Variants in PRAMEF1 observed in about 807,000 individuals in gnomAD.
PRAMEF1 encodes the protein PRAME family member 1.
In PRAMEF1, 21 loss-of-function variants were observed where a neutral mutation model predicts 38.2. The observed-to-expected ratio is 0.55, with a 90% confidence interval of 0.39 to 0.79. The LOEUF (loss-of-function observed/expected upper bound fraction) is 0.79, where lower values mean the gene tolerates loss of function less well. PRAMEF1 is among the 30% of genes least tolerant of loss of function. The probability of loss-of-function intolerance (pLI) is 0.00; values close to 1 mark genes in which losing one functional copy is unlikely to be tolerated. For missense variants in PRAMEF1, 497 were observed against 565.8 expected, an observed-to-expected ratio of 0.88 and a Z score of 1.23; for synonymous variants, 200 against 229.0, an observed-to-expected ratio of 0.87 and a Z score of 1.14.
In PRAMEF1 at chr1:12,794,367, C is replaced by T. The variant is rs144053501; in HGVS notation, c.740C>T (p.Ser247Leu). The change falls in exon 3 of 4, where the codon TCA becomes TTA. Residue 247 changes from serine to leucine, a missense_variant. Coordinates refer to ENST00000332296, the MANE Select transcript of PRAMEF1 (RefSeq NM_023013.4). ...LVFSRCHHYT[S>L]DNELEGRLVA... ...TTCTCCAGGTGCCATCATTACACGT[C>T]AGATAATGAACTCGAAGGACGGTTA... is the stretch of plus-strand genomic sequence containing the variant. 4.2e-5 allele frequency: 67 copies of T among 1,612,114 alleles called. No homozygotes were observed. The African/African-American group carries it at 8.0e-4, about 19-fold the overall frequency.
chr1:12,795,535 C>CTAAA lies in PRAMEF1; in HGVS notation c.965_968dup (p.Lys323AsnfsTer17), dbSNP rs1639382310. 6.2e-7 allele frequency: 1 copy of CTAAA among 1,612,532 alleles called. No homozygotes were observed. Among genetic ancestry groups the CTAAA allele is most frequent in the African/African-American group, 1.3e-5 (1 of 74,752 alleles). On this transcript the variant is annotated frameshift_variant, in exon 4 of 4. Coordinates refer to ENST00000332296, the MANE Select transcript of PRAMEF1 (RefSeq NM_023013.4). LOFTEE classifies it high-confidence loss of function. Reference sequence around the variant, plus strand: ...CTCCCAGTACCCAAGCCTCGGTTACCTAAAGCATCTGAATCTCAGCTACGT... The same window carrying CTAAA: ...CTCCCAGTACCCAAGCCTCGGTTACCTAAATAAAGCATCTGAATCTCAGCTACGT...
chr1:12,794,537 C>T, intron 3 of PRAMEF1, 44 bp downstream of exon 3: 1 of 1,603,600 alleles, frequency 6.2e-7, no homozygotes. Flanking sequence ...ACAGCATAGC[C>T]TTGTTCTGTA....
At chr1:12,792,275 G>C (rs541846752) in intron 1 of PRAMEF1, among the ~76,000 whole-genome samples, 5 of 151,400 alleles carry the variant, frequency 3.3e-5, no homozygotes, top group Admixed American at 6.6e-5. Flanking sequence ...GCCCACCTCA[G>C]ACTCCCAAAG....
Position 12,794,231 on chromosome 1 carries a change from ATATACCTGAATAGTAT to A in PRAMEF1, c.606_621del (p.Tyr203LysfsTer13), listed in dbSNP as rs1300397283. On this transcript the variant is annotated frameshift_variant, in exon 3 of 4. Transcript: ENST00000332296. LOFTEE classifies it high-confidence loss of function. ...ATATCTCAGAAAGTCATTGAAAATA[ATATACCTGAATAGTAT>A]TCAAGAGCTGGAAATTCGCAACATG... The A allele has an allele frequency of 6.2e-7, 1 of 1,611,690 alleles. No homozygotes were observed.
chr1:12,793,777 G>C (rs1444347466), intron 2 of PRAMEF1, 138 bp from the exon 3 acceptor site: 1 of 1,413,634 alleles, frequency 7.1e-7, no homozygotes, highest in African/African-American at 1.4e-5. Flanking sequence ...AGAATCAAAA[G>C]GGAACAGGGA....
Position 12,796,293 on chromosome 1 carries a change from T to G in PRAMEF1, c.*297T>G, listed in dbSNP as rs1180549968. 1 of 498,606 alleles carries G rather than the reference T, an allele frequency of 2.0e-6. No homozygotes were observed. Among genetic ancestry groups the G allele is most frequent in the Admixed American group, 3.8e-5 (1 of 26,146 alleles). The allele number at this position is 498,606 out of a possible 1,614,324, so 30.9% of individuals were successfully genotyped here. On this transcript the variant is annotated 3_prime_UTR_variant, in exon 4 of 4. Coordinates refer to ENST00000332296, the MANE Select transcript of PRAMEF1 (RefSeq NM_023013.4). ...AACTTAAAGGAAGCACAGGCAAGTGTTCAGTGTGAGGGAAAAAACATAACA... is the reference window on the plus strand; with the variant it reads ...AACTTAAAGGAAGCACAGGCAAGTGGTCAGTGTGAGGGAAAAAACATAACA...
chr1:12,796,317 C>T lies in PRAMEF1; in HGVS notation c.*321C>T, dbSNP rs892804725. 5.0e-6 allele frequency: 2 copies of T among 397,848 alleles called. No homozygotes were observed. The highest frequency in any genetic ancestry group is 8.7e-5 in the Admixed American group (2 of 22,944). 24.6% of individuals were successfully genotyped at this position (397,848 alleles called of 1,614,324 possible). On this transcript the variant is annotated 3_prime_UTR_variant, in exon 4 of 4. Transcript: ENST00000332296. Reference sequence around the variant, plus strand: ...GTTCAGTGTGAGGGAAAAAACATAACAGCAGGGGGCAAGGTTGGAGGAAAA... The same window carrying T: ...GTTCAGTGTGAGGGAAAAAACATAATAGCAGGGGGCAAGGTTGGAGGAAAA...
intron 2 of PRAMEF1, 146 bp downstream of exon 2, chr1:12,793,660 A>G: frequency 6.6e-7 from 1 of 1,526,612 alleles, no homozygotes; most frequent in Non-Finnish European, 8.9e-7. Context: ...GCCATTTTCC[A>G]GATCCTCAGA....
chr1:12,794,545 G>A (rs371106310), intron 3 of PRAMEF1, 52 bp downstream of exon 3: 3 of 1,600,578 alleles, frequency 1.9e-6, no homozygotes, highest in Admixed American at 3.4e-5. Flanking sequence ...GCCTTGTTCT[G>A]TAACAGCAAA....
rs1222298700 is a variant in PRAMEF1 at position 12,795,862 on chromosome 1, A to G, written c.1291A>G (p.Thr431Ala). The G allele has an allele frequency of 2.6e-5, 42 of 1,610,504 alleles. No homozygotes were observed. Among genetic ancestry groups the G allele is most frequent in the African/African-American group, 1.6e-4 (12 of 74,308 alleles). ...GGTTCGTGTCAATTGGGAGATCTTC[A>G]CCCCACTTCGGGCTGAGCTGATGTG... ...SLVRVNWEIF[T>A]PLRAELMCTL... is the part of the protein sequence containing the mutation. Residue 431 changes from threonine (T) to alanine (A), a missense_variant, in exon 4 of 4, where the codon ACC becomes GCC. Thr to Ala is a moderately conservative substitution (Grantham distance 58). This residue lies in a region of PRAMEF1 where 27 missense variants were observed against 63.9 expected (regional missense o/e 0.42). Coordinates refer to ENST00000332296, the MANE Select transcript of PRAMEF1 (RefSeq NM_023013.4).
intron 1 of PRAMEF1, among the ~76,000 whole-genome samples, chr1:12,792,827 T>TG (rs1639317355): frequency 6.6e-6 from 1 of 150,686 alleles, no homozygotes; most frequent in African/African-American, 2.4e-5. Context: ...GGTCCATTTC[T>TG]GGTAGAAAAT....
intron 1 of PRAMEF1, among the ~76,000 whole-genome samples, chr1:12,791,759 T>C (rs1216147499): frequency 6.6e-6 from 1 of 151,076 alleles, no homozygotes; most frequent in African/African-American, 2.4e-5. Flanking sequence ...TTTGAAGTTA[T>C]TTGTTTTTGT....
At position 12,792,410 on chromosome 1, in the gene PRAMEF1, T is replaced by C. The variant is rs1852945; in HGVS notation, c.-25-793T>C. Among the ~76,000 whole-genome samples the C allele has an allele frequency of 2.6e-5, 4 of 151,214 alleles. No homozygotes were observed. The South Asian group carries it at 8.5e-4, about 32-fold the overall frequency. On this transcript the variant is annotated intron_variant, in intron 1 of 3. Transcript: ENST00000332296. ...TTCCAGTGAATTTTGTTTTTTTCTG[T>C]GATGTACTCTGAGTGTGTCACCCAG...
chr1:12,795,275 C>G (rs1048804908), intron 3 of PRAMEF1, among the ~76,000 whole-genome samples, 163 bp from the exon 4 acceptor site: 3 of 151,692 alleles, frequency 2.0e-5, no homozygotes, highest in Non-Finnish European at 4.4e-5. Context: ...TGGGACAGCC[C>G]CTGAACGATC....
rs774246569 is a variant in PRAMEF1, at chr1:12,795,577, A to G, written c.1006A>G (p.Ser336Gly). ...CAGCTACGTGCTGCTGTTCCGCATC[A>G]GTCTTGAACCCCTCGGAGCTCTGCT... ...NLSYVLLFRI[S>G]LEPLGALLEK... The change falls in exon 4 of 4, where the codon AGT (serine) becomes GGT (glycine). Residue 336 changes from serine (S) to glycine (G), a missense_variant. This residue lies in a region of PRAMEF1 where 470 missense variants were observed against 501.9 expected (regional missense o/e 0.94). Coordinates refer to ENST00000332296, the MANE Select transcript of PRAMEF1 (RefSeq NM_023013.4). 3 of 1,612,228 alleles carry G rather than the reference A, an allele frequency of 1.9e-6. No homozygotes were observed. The highest frequency in any genetic ancestry group is 1.1e-5 in the South Asian group (1 of 90,990).
Position 12,795,615 on chromosome 1 carries a change from T to A in PRAMEF1, c.1044T>A (p.Ala348=), listed in dbSNP as rs1281030234. The A allele has an allele frequency of 6.2e-7, 1 of 1,611,868 alleles. No homozygotes were observed. The highest frequency in any genetic ancestry group is 8.5e-7 in the Non-Finnish European group (1 of 1,179,716). The part of the protein sequence containing the change: ...EPLGALLEKI[A]ASLKTLILEG... ...TCGGAGCTCTGCTGGAGAAAATTGC[T>A]GCCTCTCTCAAAACCCTCATCTTGG... Residue 348 remains alanine (A), a synonymous_variant, in exon 4 of 4, where the codon GCT becomes GCA. Transcript: ENST00000332296.
At chr1:12,792,409 G>A (rs963420463) in intron 1 of PRAMEF1, among the ~76,000 whole-genome samples, 1 of 151,020 alleles carries the variant, frequency 6.6e-6, no homozygotes, top group African/African-American at 2.4e-5. Context: ...GTTTTTTTCT[G>A]TGATGTACTC....
In PRAMEF1 at chr1:12,795,742, A is replaced by G; in HGVS notation, c.1171A>G (p.Ile391Val). 1.2e-6 allele frequency: 2 copies of G among 1,611,296 alleles called. No homozygotes were observed. Among genetic ancestry groups the G allele is most frequent in the Admixed American group, 1.7e-5 (1 of 59,868 alleles). ...CTACTTTGGCAGAAATTGCATGTCT[A>G]TTGACGCCCTGAAGGACCTGCTGCG... Reference protein sequence around the residue: ...TFYFGRNCMSIDALKDLLRHT... With the variant: ...TFYFGRNCMSVDALKDLLRHT... Residue 391 changes from isoleucine (I) to valine (V), a missense_variant, in exon 4 of 4, where the codon ATT becomes GTT. Ile to Val is a conservative substitution (Grantham distance 29, BLOSUM62 3). Transcript: ENST00000332296.
chr1:12,795,251 G>C (rs1639374801), intron 3 of PRAMEF1, among the ~76,000 whole-genome samples, 187 bp from the exon 4 acceptor site: 1 of 151,794 alleles, frequency 6.6e-6, no homozygotes, highest in Non-Finnish European at 1.5e-5. Context: ...ATGGTGAAAG[G>C]GCTGAGGCTA....
Sources: gnomAD v4.1 joint callset for allele counts (sites outside exome capture counted in the v4.1 genomes callset) on GRCh38, gnomAD v4.1.1 for gene constraint, gnomAD v4.1.1 regional missense constraint, MANE v1.5 for transcripts, NCBI Gene and HGNC (gene_info 2026-07-23, HGNC 2026-07-21) for gene names.